The following PPAT variants were observed in gnomAD, a reference collection of about 807,000 sequenced individuals.
The protein encoded by PPAT is amidophosphoribosyltransferase.
Under a neutral mutation model 60.2 loss-of-function variants are expected in PPAT, and 20 were observed. The observed-to-expected ratio is 0.33, with a 90% CI of 0.23 to 0.48. The LOEUF (loss-of-function observed/expected upper bound fraction) is 0.48. PPAT is among the 20% of genes least tolerant of loss of function. The probability of loss-of-function intolerance (pLI) is 0.99; values close to 1 mark genes in which losing one functional copy is unlikely to be tolerated. For synonymous variants in PPAT, 194 were observed against 215.1 expected (o/e 0.90, Z 0.86); for missense variants, 349 against 629.6 (o/e 0.55, Z 4.77).
At position 56,396,912 on chromosome 4, in the gene PPAT, G is replaced by C. The variant is rs1256814753; in HGVS notation, c.1237-173C>G. On this transcript the variant is annotated intron_variant, in intron 9 of 10. Transcript: ENST00000264220. The surrounding 1 kb of genome is among the most constrained non-coding windows in gnomAD (Gnocchi z 4.6). ...TTTTTTTCTTTCACCTAATCATGAG[G>C]AAGTTTCTTTGTCTAGATATCCTAC... 2 of 530,618 alleles carry C rather than the reference G, an allele frequency of 3.8e-6. 1 individual carries two copies. Among genetic ancestry groups the C allele is most frequent in the Non-Finnish European group, 6.0e-6 (2 of 332,422 alleles). 32.9% of individuals were successfully genotyped at this position (530,618 alleles called of 1,614,324 possible).
chr4:56,418,262 C>T (rs1462444684), intron 1 of PPAT, among the ~76,000 whole-genome samples: 1 of 152,126 alleles, frequency 6.6e-6, no homozygotes, highest in Non-Finnish European at 1.5e-5. Context: ...GTGGTCTCTC[C>T]ACTACACTCT....
intron 3 of PPAT, among the ~76,000 whole-genome samples, chr4:56,404,891 TTCA>T (rs1424604230): frequency 6.6e-6 from 1 of 152,164 alleles, no homozygotes; most frequent in East Asian, 1.9e-4. Flanking sequence ...TCTGTAACTG[TTCA>T]TCATATGTGA....
At chr4:56,403,570 T>C (rs1716172539) in intron 3 of PPAT, among the ~76,000 whole-genome samples, 169 bp from the exon 4 acceptor site, 2 of 152,166 alleles carry the variant, frequency 1.3e-5, no homozygotes, top group South Asian at 4.1e-4. Flanking sequence ...AGGGACCAGT[T>C]TGGTGGAAGA....
intron 2 of PPAT, 95 bp from the exon 3 acceptor site, chr4:56,406,796 A>C: frequency 1.2e-6 from 1 of 830,914 alleles, no homozygotes; most frequent in Non-Finnish European, 1.9e-6. Context: ...CAAATAAGAC[A>C]AAGAAGTACA....
chr4:56,434,096 T>TA (rs942198830), intron 1 of PPAT, among the ~76,000 whole-genome samples: 20 of 152,042 alleles, frequency 1.3e-4, no homozygotes, highest in Admixed American at 2.6e-4. Flanking sequence ...AAACTTTTTT[T>TA]AAAAAAAACA....
intron 10 of PPAT, 76 bp from the exon 11 acceptor site, chr4:56,395,624 TACAA>T: frequency 2.8e-6 from 3 of 1,055,562 alleles, no homozygotes; most frequent in Non-Finnish European, 3.8e-6. Flanking sequence ...AGAGAATAGT[TACAA>T]ACAGAATAAT....
At chr4:56,433,868 T>G (rs1383628689) in intron 1 of PPAT, among the ~76,000 whole-genome samples, 1 of 152,140 alleles carries the variant, frequency 6.6e-6, no homozygotes, top group African/African-American at 2.4e-5. Context: ...CTAATTGTAT[T>G]TTTAGCAGAG....
At chr4:56,403,727 G>A (rs1296367013) in intron 3 of PPAT, among the ~76,000 whole-genome samples, 1 of 152,170 alleles carries the variant, frequency 6.6e-6, no homozygotes, top group African/African-American at 2.4e-5. Flanking sequence ...ATCAGTGGGA[G>A]CCCTGAGCTT....
intron 8 of PPAT, chr4:56,400,492 T>C: frequency 5.0e-6 from 1 of 198,890 alleles, no homozygotes. Flanking sequence ...CCCAAATTGT[T>C]CAAGGGTCAA....
rs1035983039 is a variant in PPAT, at chr4:56,396,878, T to G, written c.1237-139A>C. ...AAATTATTCTTTCTACAAAGCTGCT[T>G]CTTGGTTTTTTTTTTCTTTCACCTA... On this transcript the variant is annotated intron_variant, in intron 9 of 10. Transcript: ENST00000264220. The surrounding 1 kb of genome is among the most constrained non-coding windows in gnomAD (Gnocchi z 4.6). 5.9e-6 allele frequency: 5 copies of G among 842,604 alleles called. No individual in the cohort carries two copies. Among genetic ancestry groups the G allele is most frequent in the East Asian group, 3.1e-5 (1 of 32,202 alleles). The allele number at this position is 842,604 out of a possible 1,614,324, so 52.2% of individuals were successfully genotyped here. A position where few individuals can be genotyped will look rare whatever the true frequency, so the allele number is the denominator to read the frequency against.
In PPAT at chr4:56,435,585, C is replaced by A. The variant is rs575699835; in HGVS notation, c.-108G>T. ...CTCAGAAGCTCGCGCTCGCGACAGG[C>A]TCTTCCTTCCCGAGGGTGGCCCCAG... On this transcript the variant is annotated 5_prime_UTR_variant, in exon 1 of 11. Transcript: ENST00000264220. 19 of 1,569,004 alleles carry A rather than the reference C, an allele frequency of 1.2e-5. No homozygotes were observed. The highest frequency in any genetic ancestry group is 1.2e-4 in the South Asian group (10 of 85,762).
chr4:56,434,695 T>C (rs1446487698), intron 1 of PPAT, among the ~76,000 whole-genome samples: 1 of 152,230 alleles, frequency 6.6e-6, no homozygotes, highest in African/African-American at 2.4e-5. Flanking sequence ...TACCAATGAA[T>C]CTTTTCCAGA....
intron 3 of PPAT, among the ~76,000 whole-genome samples, chr4:56,405,289 C>A (rs1351865870): frequency 1.3e-5 from 2 of 152,096 alleles, no homozygotes; most frequent in African/African-American, 4.8e-5. Flanking sequence ...AGTTTATACT[C>A]CATTTTATTT....
At chr4:56,402,851 G>T (rs1242657482) in intron 5 of PPAT, among the ~76,000 whole-genome samples, 189 bp downstream of exon 5, 6 of 116,042 alleles carry the variant, frequency 5.2e-5, no homozygotes, top group African/African-American at 1.1e-4. Flanking sequence ...AAAAAAAAGG[G>T]GGGGGACTCA....
Position 56,406,515 on chromosome 4 carries a change from C to G in PPAT, c.382G>C (p.Ala128Pro). Residue 128 changes from alanine to proline, a missense_variant, in exon 3 of 11, where the codon GCT becomes CCT. Coordinates refer to ENST00000264220, the MANE Select transcript of PPAT (RefSeq NM_002703.5). ...CGTACCTTTTTCCTTAATCGAGCAG[C>G]ATTTACCAATTCGCCATTATGTGCC... ...AVAHNGELVN[A>P]ARLRKKLLRH... 6.2e-7 allele frequency: 1 copy of G among 1,612,240 alleles called. No individual in the cohort carries two copies. The highest frequency in any genetic ancestry group is 8.5e-7 in the Non-Finnish European group (1 of 1,179,838).
chr4:56,394,861 TA>T lies in PPAT; in HGVS notation c.*490del, dbSNP rs34737334. 0.66 allele frequency: 98,106 copies of T among 148,990 alleles called. 32,297 individuals are homozygous for T. Among genetic ancestry groups the T allele is most frequent in the Admixed American group, 0.74 (11,130 of 14,950 alleles). 9.2% of individuals were successfully genotyped at this position (148,990 alleles called of 1,614,324 possible). A position where few individuals can be genotyped will look rare whatever the true frequency, so the allele number is the denominator to read the frequency against. On this transcript the variant is annotated 3_prime_UTR_variant, in exon 11 of 11. Coordinates refer to ENST00000264220, the MANE Select transcript of PPAT (RefSeq NM_002703.5). ...TGGGGAAACTGAGGCACCAGATTAT[TA>T]TTATTTTTTTTTAAAGATTTGTCTA...
Position 56,396,882 on chromosome 4 carries a change from G to T in PPAT, c.1237-143C>A. The T allele has an allele frequency of 4.3e-5, 34 of 788,886 alleles. No homozygotes were observed. Among genetic ancestry groups the T allele is most frequent in the South Asian group, 1.9e-4 (6 of 31,764 alleles). The allele number at this position is 788,886 out of a possible 1,614,324, so 48.9% of individuals were successfully genotyped here. A position where few individuals can be genotyped will look rare whatever the true frequency, so the allele number is the denominator to read the frequency against. On this transcript the variant is annotated intron_variant, in intron 9 of 10. Coordinates refer to ENST00000264220, the MANE Select transcript of PPAT (RefSeq NM_002703.5). This position sits in a 1 kb window ranked among gnomAD's most constrained non-coding sequence, Gnocchi z 4.6. The stretch of plus-strand genomic sequence containing the variant: ...TATTCTTTCTACAAAGCTGCTTCTT[G>T]GTTTTTTTTTTCTTTCACCTAATCA...
At chr4:56,435,302 C>G in intron 1 of PPAT, 48 bp downstream of exon 1, 1 of 1,609,226 alleles carries the variant, frequency 6.2e-7, no homozygotes, top group Non-Finnish European at 8.5e-7. Flanking sequence ...GGAAGCGGCT[C>G]CGAGAGATGG....
At chr4:56,410,006 CATA>C (rs2110043131) in intron 1 of PPAT, among the ~76,000 whole-genome samples, 1 of 152,250 alleles carries the variant, frequency 6.6e-6, no homozygotes, top group East Asian at 1.9e-4. Context: ...AATAGATATG[CATA>C]ATACTATATA....
Sources: allele counts gnomAD v4.1 joint callset (sites outside exome capture counted in the v4.1 genomes callset), GRCh38; gene constraint gnomAD v4.1.1; non-coding constraint Gnocchi (gnomAD v3.1); transcripts MANE v1.5; gene names NCBI Gene and HGNC (gene_info 2026-07-23, HGNC 2026-07-21).